The following PPP2R2B variants were observed in gnomAD, a reference collection of about 807,000 sequenced individuals.
PPP2R2B encodes protein phosphatase 2 regulatory subunit Bbeta.
PPP2R2B carries 5 observed loss-of-function variants against 46.0 expected under a neutral mutation model. That is an observed-to-expected ratio of 0.11 (90% CI 0.06 to 0.23). The LOEUF is 0.23. Ranked by LOEUF, PPP2R2B falls within the 10% of genes least tolerant of loss-of-function variation. The pLI, the probability that PPP2R2B is intolerant of heterozygous loss-of-function variation, is 1.00. For missense variants in PPP2R2B, 367 were observed against 575.0 expected (o/e 0.64, Z 3.70); for synonymous variants, 215 against 206.7 (o/e 1.04, Z -0.34).
intron 1 of PPP2R2B, chr5:147,035,025 A>T (rs1255938820): frequency 4.5e-6 from 2 of 444,548 alleles, no homozygotes; most frequent in African/African-American, 2.0e-5. Context: ...TGACAGCCAG[A>T]TAAAACTTTG....
At chr5:146,930,718 C>T (rs917239489) in intron 1 of PPP2R2B, among the ~76,000 whole-genome samples, 1 of 152,176 alleles carries the variant, frequency 6.6e-6, no homozygotes, top group Non-Finnish European at 1.5e-5. Flanking sequence ...ACCTGGGACT[C>T]ATTGACATTG....
chr5:146,975,031 A>G (rs1752837044), intron 1 of PPP2R2B, among the ~76,000 whole-genome samples: 1 of 152,140 alleles, frequency 6.6e-6, no homozygotes, highest in Non-Finnish European at 1.5e-5. Context: ...TGCAATTGTG[A>G]TACAACACAT....
At chr5:146,900,489 T>C (rs76347270) in intron 1 of PPP2R2B, among the ~76,000 whole-genome samples, 3,669 of 152,116 alleles carry the variant, frequency 0.024, 108 homozygotes, top group Non-Finnish European at 0.028. Context: ...CCCTTCCTTT[T>C]CTTTCCTTTC....
At chr5:146,882,978 A>C (rs538169807), upstream of PPP2R2B, among the ~76,000 whole-genome samples, 86 of 152,260 alleles carry the variant, frequency 5.6e-4, 1 homozygote, top group African/African-American at 2.1e-3. Context: ...CAACACTCAC[A>C]TACCCACTCT....
intron 1 of PPP2R2B, among the ~76,000 whole-genome samples, chr5:146,891,530 T>C (rs1762491198): frequency 1.3e-5 from 2 of 152,166 alleles, no homozygotes; most frequent in South Asian, 2.1e-4. Context: ...ATGGTTTCAT[T>C]ATAAAGGAGT....
At chr5:146,723,381 C>T (rs1364706603) in intron 2 of PPP2R2B, among the ~76,000 whole-genome samples, 1 of 152,118 alleles carries the variant, frequency 6.6e-6, no homozygotes. Flanking sequence ...TCCCTTTGAA[C>T]ACTCACATAA....
intron 1 of PPP2R2B, among the ~76,000 whole-genome samples, chr5:146,937,703 G>T (rs1293577394): frequency 2.0e-5 from 3 of 152,042 alleles, no homozygotes; most frequent in Non-Finnish European, 2.9e-5. Flanking sequence ...TTAGAGAACA[G>T]GATGTCTTCA....
chr5:146,717,755 C>T (rs1199872554), intron 2 of PPP2R2B, among the ~76,000 whole-genome samples: 3 of 152,104 alleles, frequency 2.0e-5, no homozygotes, highest in African/African-American at 4.8e-5. Context: ...TCCCTCCTTA[C>T]CATTTTCTAG....
intron 1 of PPP2R2B, among the ~76,000 whole-genome samples, chr5:146,905,053 T>C (rs1762953447): frequency 6.6e-6 from 1 of 152,278 alleles, no homozygotes. Flanking sequence ...CCTGAAAATA[T>C]GCTCAACATT....
In PPP2R2B at chr5:146,588,750, C is replaced by T. The variant is rs1441223761; in HGVS notation, c.*1197G>A. On this transcript the variant is annotated 3_prime_UTR_variant, in exon 10 of 10. Coordinates refer to ENST00000394411, the MANE Select transcript of PPP2R2B (RefSeq NM_181675.4). ...CTTCATTCACTTCATGTCACAGCTGCTTGATTTCCCCACAGTTCATTTCTG... is the reference window on the plus strand; with the variant it reads ...CTTCATTCACTTCATGTCACAGCTGTTTGATTTCCCCACAGTTCATTTCTG... The T allele has an allele frequency of 6.6e-6, 1 of 152,178 alleles. No homozygotes were observed. The highest frequency in any genetic ancestry group is 1.5e-5 in the Non-Finnish European group (1 of 68,034). The allele number at this position is 152,178 out of a possible 1,614,324, so 9.4% of individuals were successfully genotyped here.
chr5:146,823,057 A>T (rs763701190), intron 2 of PPP2R2B, among the ~76,000 whole-genome samples: 1 of 152,196 alleles, frequency 6.6e-6, no homozygotes. Flanking sequence ...CACTCCCTCC[A>T]TGTGAACCAA....
Position 146,953,742 on chromosome 5 carries a change from T to C in PPP2R2B, c.79+101923A>G, listed in dbSNP as rs546238650. On this transcript the variant is annotated intron_variant, in intron 1 of 8. Coordinates refer to the PPP2R2B transcript ENST00000336640. ...CTCCATTAATTTTATAACAATCCCA[T>C]GAAGTAGTTATTATTCCTATTTAAC... Among the ~76,000 whole-genome samples the C allele has an allele frequency of 1.1e-4, 16 of 152,302 alleles. No individual in the cohort carries two copies. The South Asian group carries it at 3.1e-3, about 30-fold the overall frequency.
chr5:146,614,940 A>G (rs322503), intron 7 of PPP2R2B, among the ~76,000 whole-genome samples: 43 of 118,390 alleles, frequency 3.6e-4, no homozygotes, highest in African/African-American at 6.9e-4. Context: ...GGAAGTCAGT[A>G]TGGCGATTCC....
intron 4 of PPP2R2B, 63 bp from the exon 5 acceptor site, chr5:146,691,303 C>T: frequency 7.2e-7 from 1 of 1,396,470 alleles, no homozygotes; most frequent in Non-Finnish European, 1.0e-6. Context: ...AGGGAGTTTT[C>T]CTGGGGGCAA....
chr5:146,937,681 C>T (rs1198660764), intron 1 of PPP2R2B, among the ~76,000 whole-genome samples: 1 of 152,130 alleles, frequency 6.6e-6, no homozygotes, highest in Non-Finnish European at 1.5e-5. Context: ...GCAGTTACAC[C>T]TTCACGGAGG....
chr5:146,944,222 ATTCT>A (rs2151831133), intron 1 of PPP2R2B, among the ~76,000 whole-genome samples: 1 of 152,244 alleles, frequency 6.6e-6, no homozygotes, highest in Admixed American at 6.5e-5. Context: ...CACTACATAT[ATTCT>A]TTGAGAAAAG....
chr5:147,000,704 C>G lies in PPP2R2B; in HGVS notation c.79+54961G>C, dbSNP rs1239958651. Among the ~76,000 whole-genome samples the G allele has an allele frequency of 2.6e-5, 3 of 115,140 alleles. No individual in the cohort carries two copies. In the East Asian group the frequency reaches 8.4e-4, roughly 32 times the overall value. The allele number at this position is 115,140 out of a possible 152,430, so 75.5% of individuals were successfully genotyped here. A position where few individuals can be genotyped will look rare whatever the true frequency, so the allele number is the denominator to read the frequency against. ...AAACCACAATTACTTTTGCACCAAC[C>G]TAATACTTACTGATCACATAGGTTT... On this transcript the variant is annotated intron_variant, in intron 1 of 8. Transcript: ENST00000336640.
intron 7 of PPP2R2B, among the ~76,000 whole-genome samples, chr5:146,609,711 C>A (rs1019324648): frequency 6.8e-6 from 1 of 146,984 alleles, no homozygotes; most frequent in South Asian, 2.3e-4. Context: ...GTTCCCTTTC[C>A]GAGTCAAAGA....
At position 146,699,797 on chromosome 5, in the gene PPP2R2B, A is replaced by G. The variant is rs150821801; in HGVS notation, c.168+1248T>C. Reference sequence around the variant, plus strand: ...GAGAGAGCCAGTCCACCTTAACAATACATTTATAAGAGTGTTGATTTGCTA... The same window carrying G: ...GAGAGAGCCAGTCCACCTTAACAATGCATTTATAAGAGTGTTGATTTGCTA... On this transcript the variant is annotated intron_variant, in intron 3 of 9. Transcript: ENST00000394411. 3.4e-3 allele frequency among the ~76,000 whole-genome samples: 517 copies of G among 151,844 alleles called. 3 individuals are homozygous for G. Among genetic ancestry groups the G allele is most frequent in the African/African-American group, 0.012 (506 of 41,388 alleles).
Sources: gnomAD v4.1 joint callset for allele counts (sites outside exome capture counted in the v4.1 genomes callset) on GRCh38, gnomAD v4.1.1 for gene constraint, MANE v1.5 for transcripts, NCBI Gene and HGNC (gene_info 2026-07-23, HGNC 2026-07-21) for gene names.